The following RYR1 variants were observed in gnomAD, a reference collection of about 807,000 sequenced individuals.
RYR1 encodes the protein ryanodine receptor 1.
In RYR1, 342 loss-of-function variants were observed where a neutral mutation model predicts 583.5. The observed-to-expected ratio is 0.59, with a 90% CI of 0.54 to 0.64. RYR1 has a LOEUF of 0.64. RYR1 is among the 30% of genes least tolerant of loss of function. The pLI, the probability that RYR1 is intolerant of heterozygous loss-of-function variation, is 0.00. For missense variants in RYR1, 6,032 were observed against 6,917.2 expected, an observed-to-expected ratio of 0.87 and a Z score of 4.54; for synonymous variants, 2,791 against 2,822.5, an observed-to-expected ratio of 0.99 and a Z score of 0.35.
chr19:38,502,371 G>A (rs1970162722), intron 47 of RYR1, 136 bp from the exon 48 acceptor site: 2 of 779,532 alleles, frequency 2.6e-6, no homozygotes, highest in Non-Finnish European at 4.3e-6. Flanking sequence ...TGGGAGGAGG[G>A]TGGTAGAGAT....
At chr19:38,440,892 G>C in intron 2 of RYR1, 28 bp downstream of exon 2, 1 of 1,601,364 alleles carries the variant, frequency 6.2e-7, no homozygotes, top group African/African-American at 1.3e-5. Flanking sequence ...AGGGGCCTGG[G>C]GACAGGGGCG....
At position 38,528,275 on chromosome 19, in the gene RYR1, G is replaced by A; in HGVS notation, c.10825-31G>A. 6 of 1,582,078 alleles carry A rather than the reference G, an allele frequency of 3.8e-6. No homozygotes were observed. The African/African-American group carries it at 4.0e-5, about 11-fold the overall frequency. Reference sequence around the variant, plus strand: ...TGGGAGTGAGAGGGGCAGGGTCTGGGGATGTGACTGTCCTGCTATCCCCTC... The same window carrying A: ...TGGGAGTGAGAGGGGCAGGGTCTGGAGATGTGACTGTCCTGCTATCCCCTC... On this transcript the variant is annotated intron_variant, in intron 73 of 105. Coordinates refer to ENST00000359596, the MANE Select transcript of RYR1 (RefSeq NM_000540.3).
intron 82 of RYR1, 130 bp downstream of exon 82, chr19:38,536,200 T>C (rs1971958219): frequency 1.3e-6 from 1 of 776,484 alleles, no homozygotes; most frequent in Admixed American, 2.2e-5. Flanking sequence ...CTCCCTCGGG[T>C]CCCTCCCTCT....
At chr19:38,581,283 T>G (rs1438445353) in intron 101 of RYR1, among the ~76,000 whole-genome samples, 1 of 152,152 alleles carries the variant, frequency 6.6e-6, no homozygotes, top group Admixed American at 6.6e-5. Flanking sequence ...TTCACCATGT[T>G]AGCCAGGATG....
Position 38,496,943 on chromosome 19 carries a change from G to A in RYR1, c.6880G>A (p.Asp2294Asn), listed in dbSNP as rs1600810918. The part of the protein sequence containing the change: ...NELALALQEQ[D>N]LEKVVSYLAG... ...GCTGGCCTTGGCATTGCAGGAGCAGGACCTGGAAAAGGTGTGGAGGGCAGG... is the reference window on the plus strand; with the variant it reads ...GCTGGCCTTGGCATTGCAGGAGCAGAACCTGGAAAAGGTGTGGAGGGCAGG... Residue 2294 changes from aspartate (D) to asparagine (N), a missense_variant, in exon 42 of 106, where the codon GAC becomes AAC. Asp to Asn is a conservative substitution (Grantham distance 23). Transcript: ENST00000359596. This position sits in a 1 kb window ranked among gnomAD's most constrained non-coding sequence, Gnocchi z 4.8. 1 of 1,613,492 alleles carries A rather than the reference G, an allele frequency of 6.2e-7. No individual in the cohort carries two copies. Among genetic ancestry groups the A allele is most frequent in the Non-Finnish European group, 8.5e-7 (1 of 1,179,910 alleles).
At position 38,458,414 on chromosome 19, in the gene RYR1, T is replaced by C; in HGVS notation, c.2167+122T>C. 5.1e-6 allele frequency: 5 copies of C among 982,740 alleles called. No homozygotes were observed. In the South Asian group the frequency reaches 5.6e-5, roughly 11 times the overall value. The allele number at this position is 982,740 out of a possible 1,614,324, so 60.9% of individuals were successfully genotyped here. ...TCCCTGAAAAGGTCAACTTTTGACC[T>C]TTTAGTCCTCATTTCCCAAGACCCT... On this transcript the variant is annotated intron_variant, in intron 18 of 105. Transcript: ENST00000359596.
chr19:38,502,696 G>C lies in RYR1; in HGVS notation c.7804G>C (p.Val2602Leu), dbSNP rs751048059. 1.2e-6 allele frequency: 2 copies of C among 1,604,856 alleles called. No individual in the cohort carries two copies. Among genetic ancestry groups the C allele is most frequent in the Middle Eastern group, 1.7e-4 (1 of 6,040 alleles). The part of the protein sequence containing the change: ...GRSLTKAQRD[V>L]IEDCLMSLCR... ...TTCGCTCACCAAGGCGCAGCGTGAC[G>C]TCATCGAGGACTGCCTCATGTCGCT... The change falls in exon 48 of 106, where the codon GTC becomes CTC. Residue 2602 changes from valine (V) to leucine (L), a missense_variant. By Grantham distance (32) the Val-to-Leu change is conservative. Coordinates refer to ENST00000359596, the MANE Select transcript of RYR1 (RefSeq NM_000540.3).
intron 4 of RYR1, 32 bp downstream of exon 4, chr19:38,443,664 G>A (rs1360364432): frequency 6.2e-7 from 1 of 1,613,682 alleles, no homozygotes; most frequent in African/African-American, 1.3e-5. Context: ...GTGGGCAGGG[G>A]CCAGGGCATG....
intron 63 of RYR1, among the ~76,000 whole-genome samples, chr19:38,514,441 C>T (rs1230491671): frequency 6.6e-6 from 1 of 151,672 alleles, no homozygotes; most frequent in Non-Finnish European, 1.5e-5. Flanking sequence ...CCAACACACT[C>T]AGATAATTTT....
intron 20 of RYR1, among the ~76,000 whole-genome samples, chr19:38,462,696 AG>A (rs1162266297): frequency 4.6e-5 from 7 of 152,202 alleles, no homozygotes; most frequent in African/African-American, 1.7e-4. Context: ...CATACGGAGA[AG>A]GAAGGAGACT....
rs969949769 is a variant in RYR1 at position 38,565,013 on chromosome 19, G to T, written c.12679G>T (p.Ala4227Ser). The T allele has an allele frequency of 6.9e-6, 11 of 1,592,336 alleles. No individual in the cohort carries two copies. The highest frequency in any genetic ancestry group is 9.4e-6 in the Non-Finnish European group (11 of 1,170,208). ...IFDVVNEGGE[A>S]EKMELFVSFC... ...CGACGTGGTGAACGAGGGCGGCGAGGCTGAGAAGATGGAGCTCTTCGTGAG... is the reference window on the plus strand; with the variant it reads ...CGACGTGGTGAACGAGGGCGGCGAGTCTGAGAAGATGGAGCTCTTCGTGAG... The change falls in exon 91 of 106, where the codon GCT (alanine) becomes TCT (serine). Residue 4227 changes from alanine to serine, a missense_variant. By Grantham distance (99) the Ala-to-Ser change is moderately conservative. Around this residue, in one of 11 missense-constraint regions of RYR1, gnomAD observed 753 missense variants for 759.6 expected, o/e 0.99. Transcript: ENST00000359596. The surrounding 1 kb of genome is among the most constrained non-coding windows in gnomAD (Gnocchi z 4.7).
chr19:38,517,469 A>C lies in RYR1; in HGVS notation c.9796A>C (p.Met3266Leu), dbSNP rs201588259. 184 of 1,614,016 alleles carry C rather than the reference A, an allele frequency of 1.1e-4. No homozygotes were observed. The highest frequency in any genetic ancestry group is 6.6e-4 in the Middle Eastern group (4 of 6,062). ...CGAGTCAGGTGCCCGCTACACAGAG[A>C]TGCCGCATGTCATCGAGATCACGCT... is the stretch of plus-strand genomic sequence containing the variant. ...LAESGARYTEMPHVIEITLPM... is the reference protein window; with the variant it reads ...LAESGARYTELPHVIEITLPM... Residue 3266 changes from methionine to leucine, a missense_variant, in exon 66 of 106, where the codon ATG becomes CTG. Physicochemically the swap from Met to Leu is conservative, Grantham distance 15 (BLOSUM62 2). Around this residue, in one of 11 missense-constraint regions of RYR1, gnomAD observed 1,493 missense variants for 1,715.5 expected, o/e 0.87. Coordinates refer to ENST00000359596, the MANE Select transcript of RYR1 (RefSeq NM_000540.3).
chr19:38,532,701 G>A lies in RYR1; in HGVS notation c.11224G>A (p.Gly3742Ser), dbSNP rs774921643. 46 of 1,613,958 alleles carry A rather than the reference G, an allele frequency of 2.9e-5. No individual in the cohort carries two copies. The highest frequency in any genetic ancestry group is 4.5e-5 in the East Asian group (2 of 44,884). Reference sequence around the variant, plus strand: ...CCACCTGGAGGAGGGAGGGGAGAACGGTGAAGCTGAAGAGGAGGTTGAGGT... The same window carrying A: ...CCACCTGGAGGAGGGAGGGGAGAACAGTGAAGCTGAAGAGGAGGTTGAGGT... ...SCHLEEGGEN[G>S]EAEEEVEVSF... Residue 3742 changes from glycine to serine, a missense_variant, in exon 78 of 106, where the codon GGT becomes AGT. Physicochemically the swap from Gly to Ser is moderately conservative, Grantham distance 56. Transcript: ENST00000359596.
At chr19:38,510,900 A>T in intron 60 of RYR1, 119 bp downstream of exon 60, 1 of 1,446,526 alleles carries the variant, frequency 6.9e-7, no homozygotes, top group African/African-American at 1.4e-5. Flanking sequence ...TGCAAAGGCG[A>T]TTGAAGGGTG....
intron 34 of RYR1, among the ~76,000 whole-genome samples, chr19:38,487,979 A>G (rs1208513035): frequency 6.6e-6 from 1 of 151,990 alleles, no homozygotes; most frequent in Non-Finnish European, 1.5e-5. Context: ...ATTTTGTAAG[A>G]GACAGGGTAA....
chr19:38,467,485 G>C, intron 24 of RYR1, 125 bp from the exon 25 acceptor site: 2 of 1,032,906 alleles, frequency 1.9e-6, no homozygotes, highest in Middle Eastern at 2.0e-4. Context: ...CCAAGAAATT[G>C]ACCCTCTTCC....
intron 89 of RYR1, among the ~76,000 whole-genome samples, chr19:38,557,056 T>TTC (rs1972909762): frequency 6.9e-6 from 1 of 144,516 alleles, no homozygotes; most frequent in South Asian, 2.3e-4. Context: ...CATTTCTTTT[T>TTC]TTTTTTTTTT....
intron 39 of RYR1, among the ~76,000 whole-genome samples, chr19:38,495,773 T>A (rs1730862113): frequency 1.3e-5 from 2 of 152,256 alleles, no homozygotes; most frequent in Middle Eastern, 3.4e-3. Flanking sequence ...AGGAATTTTT[T>A]TTTTTTATTT....
Position 38,565,502 on chromosome 19 carries a change from G to T in RYR1, c.13168G>T (p.Glu4390Ter). The T allele has an allele frequency of 6.6e-7, 1 of 1,504,786 alleles. No homozygotes were observed. The highest frequency in any genetic ancestry group is 8.8e-7 in the Non-Finnish European group (1 of 1,134,288). The allele number at this position is 1,504,786 out of a possible 1,614,324, so 93.2% of individuals were successfully genotyped here. ...AGGCATGCCCGACCCCACCAGCGAC[G>T]AGGTGCACGGCGAGCAGCCGGCCGG... ...LAGMPDPTSD[E>*]VHGEQPAGPG... The change falls in exon 91 of 106, where the codon GAG (glutamate) becomes TAG (stop). Residue 4390 changes from glutamate to a stop codon, truncating the protein, a stop_gained. Transcript: ENST00000359596. LOFTEE classifies it high-confidence loss of function. This position sits in a 1 kb window ranked among gnomAD's most constrained non-coding sequence, Gnocchi z 4.7.
Sources: allele counts gnomAD v4.1 joint callset (sites outside exome capture counted in the v4.1 genomes callset), GRCh38; gene constraint gnomAD v4.1.1; regional missense constraint gnomAD v4.1.1; non-coding constraint Gnocchi (gnomAD v3.1); transcripts MANE v1.5; gene names NCBI Gene and HGNC (gene_info 2026-07-23, HGNC 2026-07-21).